IKZF4: variants seen among roughly 807,000 people sequenced by gnomAD.
IKZF4 encodes the protein zinc finger protein Eos.
Under a neutral mutation model 47.7 loss-of-function variants are expected in IKZF4, and 11 were observed. That is an observed-to-expected ratio of 0.23 (90% CI 0.15 to 0.38). The LOEUF (loss-of-function observed/expected upper bound fraction) is 0.38, where lower values mean the gene tolerates loss of function less well. IKZF4 is among the 10% of genes least tolerant of loss of function. IKZF4 has a pLI of 1.00. For synonymous variants in IKZF4, 298 were observed against 299.4 expected (o/e 1.00, Z 0.05); for missense variants, 557 against 784.9 (o/e 0.71, Z 3.47).
Position 56,035,078 on chromosome 12 carries a change from A to G in IKZF4, c.1505A>G (p.Gln502Arg). Residue 502 changes from glutamine to arginine, a missense_variant, in exon 8 of 8, where the codon CAG becomes CGG. Gln to Arg is a conservative substitution (Grantham distance 43, BLOSUM62 1). Coordinates refer to ENST00000547167, the MANE Select transcript of IKZF4 (RefSeq NM_022465.4). The surrounding 1 kb of genome is among the most constrained non-coding windows in gnomAD (Gnocchi z 6.1). ...TACGCCAAAGAGGACCCCAAGCCAC[A>G]GGAGGGGTTATTGCGGGGCACCCCA... is the stretch of plus-strand genomic sequence containing the variant. ...PAYAKEDPKP[Q>R]EGLLRGTPGP... is the part of the protein sequence containing the mutation. 1.3e-6 allele frequency: 2 copies of G among 1,597,340 alleles called. No homozygotes were observed. Among genetic ancestry groups the G allele is most frequent in the Non-Finnish European group, 1.7e-6 (2 of 1,171,226 alleles).
chr12:56,023,563 C>A, intron 1 of IKZF4, 108 bp from the exon 2 acceptor site: 2 of 1,303,670 alleles, frequency 1.5e-6, no homozygotes, highest in Non-Finnish European at 2.1e-6. Context: ...GAACATTTTT[C>A]CTCAGGCTTT....
Position 56,034,650 on chromosome 12 carries a change from G to C in IKZF4, c.1077G>C (p.Leu359Phe), listed in dbSNP as rs1181367981. Reference sequence around the variant, plus strand: ...GTGGCTATGAAAAGGATGTGGAGTTGGTGGCACACCACAGCCTAGAGCCTG... The same window carrying C: ...GTGGCTATGAAAAGGATGTGGAGTTCGTGGCACACCACAGCCTAGAGCCTG... ...NSGGYEKDVE[L>F]VAHHSLEPGF... Residue 359 changes from leucine to phenylalanine, a missense_variant, in exon 8 of 8, where the codon TTG (leucine) becomes TTC (phenylalanine). Leu to Phe is a conservative substitution (Grantham distance 22). Transcript: ENST00000547167. 1 of 1,614,012 alleles carries C rather than the reference G, an allele frequency of 6.2e-7. No individual in the cohort carries two copies. Among genetic ancestry groups the C allele is most frequent in the East Asian group, 2.2e-5 (1 of 44,888 alleles).
At chr12:56,017,899 G>A (rs1287847527), upstream of IKZF4, among the ~76,000 whole-genome samples, 8 of 151,996 alleles carry the variant, frequency 5.3e-5, no homozygotes, top group Non-Finnish European at 1.2e-4. Flanking sequence ...TATTGCCCAG[G>A]CTGGTCTCAA....
Position 56,035,694 on chromosome 12 carries a change from C to CGGCAGCG in IKZF4, c.*363_*364insGGCAGCG. 5.4e-6 allele frequency: 1 copy of CGGCAGCG among 186,284 alleles called. No individual in the cohort carries two copies. Among genetic ancestry groups the CGGCAGCG allele is most frequent in the South Asian group, 1.3e-4 (1 of 7,792 alleles). 11.5% of individuals were successfully genotyped at this position (186,284 alleles called of 1,614,324 possible). On this transcript the variant is annotated 3_prime_UTR_variant, in exon 8 of 8. Transcript: ENST00000547167. This position sits in a 1 kb window ranked among gnomAD's most constrained non-coding sequence, Gnocchi z 6.1. The stretch of plus-strand genomic sequence containing the variant: ...CTTTCCACTTTAGGCCAATTTTTCT[C>CGGCAGCG]TCTTAGATCTTCCAGCAGCCCCAGG...
intron 5 of IKZF4, 87 bp from the exon 6 acceptor site, chr12:56,032,474 C>T: frequency 7.6e-7 from 1 of 1,307,220 alleles, no homozygotes; most frequent in South Asian, 1.5e-5. Context: ...CTTCCCATGC[C>T]AGTGTATACT....
upstream of IKZF4, chr12:56,019,324 C>A: frequency 1.0e-6 from 1 of 981,478 alleles, no homozygotes; most frequent in Non-Finnish European, 1.2e-6. Context: ...AAAGTAGGAC[C>A]AATGAAGGAA....
intron 7 of IKZF4, 99 bp downstream of exon 7, chr12:56,033,420 C>A: frequency 6.7e-7 from 1 of 1,496,324 alleles, no homozygotes; most frequent in Non-Finnish European, 9.2e-7. Flanking sequence ...AGAAAGCAGT[C>A]TGGTGGGCTG....
chr12:56,032,653 T>A lies in IKZF4; in HGVS notation c.808T>A (p.Cys270Ser). 1 of 1,614,010 alleles carries A rather than the reference T, an allele frequency of 6.2e-7. No homozygotes were observed. Among genetic ancestry groups the A allele is most frequent in the Non-Finnish European group, 8.5e-7 (1 of 1,179,892 alleles). The change falls in exon 6 of 8, where the codon TGC (cysteine) becomes AGC (serine). Residue 270 changes from cysteine (C) to serine (S), a missense_variant. Physicochemically the swap from Cys to Ser is moderately radical, Grantham distance 112. Around this residue, in one of 6 missense-constraint regions of IKZF4, gnomAD observed 72 missense variants for 112.4 expected, o/e 0.64. Coordinates refer to ENST00000547167, the MANE Select transcript of IKZF4 (RefSeq NM_022465.4). Reference sequence around the variant, plus strand: ...TACCCTGGAGGAGCACAAGGAGCGGTGCCATAACTACCTACAGAGTCTCAG... The same window carrying A: ...TACCCTGGAGGAGCACAAGGAGCGGAGCCATAACTACCTACAGAGTCTCAG... Reference protein sequence around the residue: ...QSTLEEHKERCHNYLQSLSTE... With the variant: ...QSTLEEHKERSHNYLQSLSTE...
At chr12:56,007,762 GT>G (rs1056018610) in intron 1 of IKZF4, 1 of 151,960 alleles carries the variant, frequency 6.6e-6, no homozygotes, top group Non-Finnish European at 1.5e-5. Context: ...CTTGGTGGGG[GT>G]AAAGCGGGGG....
At chr12:56,020,039 T>G (rs1195052589), upstream of IKZF4, among the ~76,000 whole-genome samples, 1 of 152,268 alleles carries the variant, frequency 6.6e-6, no homozygotes, top group South Asian at 2.1e-4. Flanking sequence ...CGCTCATCAC[T>G]GACCCATCTC....
intron 1 of IKZF4, chr12:56,011,270 T>C (rs1359544373): frequency 6.6e-6 from 1 of 152,218 alleles, no homozygotes; most frequent in African/African-American, 2.4e-5. Context: ...CCCCAAAAAG[T>C]ATCATCTCCT....
chr12:56,024,055 G>A, intron 2 of IKZF4: 1 of 509,424 alleles, frequency 2.0e-6, no homozygotes, highest in Non-Finnish European at 2.5e-6. Context: ...TATTTGTGTA[G>A]AAGATTGTGG....
intron 1 of IKZF4, among the ~76,000 whole-genome samples, chr12:56,008,671 ATT>A (rs11456606): frequency 6.4e-5 from 8 of 124,584 alleles, no homozygotes; most frequent in Admixed American, 9.1e-5. Flanking sequence ...CTTCCAGGAA[ATT>A]TTTTTTTTTT....
intron 2 of IKZF4, among the ~76,000 whole-genome samples, chr12:56,015,204 GT>G (rs1891867496): frequency 6.6e-6 from 1 of 152,102 alleles, no homozygotes; most frequent in Non-Finnish European, 1.5e-5. Flanking sequence ...AGCCTCCTGA[GT>G]AGCTGGGATT....
Position 56,032,594 on chromosome 12 carries a change from G to A in IKZF4, c.749G>A (p.Cys250Tyr), listed in dbSNP as rs749050596. Residue 250 changes from cysteine to tyrosine, a missense_variant, in exon 6 of 8, where the codon TGT becomes TAT. Physicochemically the swap from Cys to Tyr is radical, Grantham distance 194. Transcript: ENST00000547167. ...CCCACAGTGGGCAAGCCCTACAAGT[G>A]TAACTACTGTGGCCGGAGCTACAAA... is the stretch of plus-strand genomic sequence containing the variant. ...SSPTVGKPYKCNYCGRSYKQQ... is the reference protein window; with the variant it reads ...SSPTVGKPYKYNYCGRSYKQQ... 6.2e-7 allele frequency: 1 copy of A among 1,613,868 alleles called. No individual in the cohort carries two copies. Among genetic ancestry groups the A allele is most frequent in the Non-Finnish European group, 8.5e-7 (1 of 1,179,820 alleles).
chr12:56,019,572 G>C (rs73338344), upstream of IKZF4, among the ~76,000 whole-genome samples: 264 of 152,310 alleles, frequency 1.7e-3, no homozygotes, highest in African/African-American at 6.0e-3. Context: ...TCATGGCCTT[G>C]TGAGGAGCGA....
chr12:56,012,582 T>G (rs1009245894), intron 2 of IKZF4, among the ~76,000 whole-genome samples: 4 of 140,526 alleles, frequency 2.8e-5, no homozygotes, highest in African/African-American at 1.1e-4. Flanking sequence ...CTAAATTACT[T>G]TTTTTTTTTT....
chr12:56,020,943 C>T, upstream of IKZF4: 2 of 1,010,740 alleles, frequency 2.0e-6, no homozygotes, highest in Non-Finnish European at 2.4e-6. Context: ...CCTCTGGGGC[C>T]TTGGCTTCCC....
rs1419212323 is a variant in IKZF4 at position 56,033,237 on chromosome 12, T to C, written c.913T>C (p.Ser305Pro). The change falls in exon 7 of 8, where the codon TCA (serine) becomes CCA (proline). Residue 305 changes from serine (S) to proline (P), a missense_variant. By Grantham distance (74) the Ser-to-Pro change is moderately conservative. Coordinates refer to ENST00000547167, the MANE Select transcript of IKZF4 (RefSeq NM_022465.4). ...LEMVPDSMLHSSSERPTFIDR... is the reference protein window; with the variant it reads ...LEMVPDSMLHPSSERPTFIDR... ...GATGGTGCCAGACTCCATGCTGCAC[T>C]CATCCTCTGAGCGGCCAACTTTCAT... 1 of 1,613,976 alleles carries C rather than the reference T, an allele frequency of 6.2e-7. No homozygotes were observed. Among genetic ancestry groups the C allele is most frequent in the East Asian group, 2.2e-5 (1 of 44,878 alleles).
Sources: gnomAD v4.1 joint callset for allele counts (sites outside exome capture counted in the v4.1 genomes callset) on GRCh38, gnomAD v4.1.1 for gene constraint, gnomAD v4.1.1 regional missense constraint, Gnocchi (gnomAD v3.1) non-coding constraint, MANE v1.5 for transcripts, NCBI Gene and HGNC (gene_info 2026-07-23, HGNC 2026-07-21) for gene names.